The following MAB21L3 variants were observed in gnomAD, a reference collection of about 807,000 sequenced individuals.
The protein encoded by MAB21L3 is mab-21 like 3, also known as protein mab-21-like 3.
MAB21L3 carries 36 observed loss-of-function variants against 37.7 expected under a neutral mutation model. The observed-to-expected ratio is 0.96, with a 90% CI of 0.73 to 1.26. The LOEUF (loss-of-function observed/expected upper bound fraction) is 1.26, where lower values mean the gene tolerates loss of function less well. MAB21L3 is among the 50% of genes most tolerant of loss of function. MAB21L3 has a pLI of 0.00. For missense variants in MAB21L3, 430 were observed against 447.3 expected, an observed-to-expected ratio of 0.96 and a Z score of 0.35; for synonymous variants, 186 against 176.8, an observed-to-expected ratio of 1.05 and a Z score of -0.41.
chr1:116,114,883 T>C (rs563400486), intron 3 of MAB21L3, among the ~76,000 whole-genome samples: 1 of 152,270 alleles, frequency 6.6e-6, no homozygotes, highest in South Asian at 2.1e-4. Context: ...AGACAAAGCC[T>C]TGGAGGAAGT....
intron 7 of MAB21L3, among the ~76,000 whole-genome samples, chr1:116,132,859 CCGT>C (rs1345286530): frequency 6.6e-6 from 1 of 151,976 alleles, no homozygotes; most frequent in African/African-American, 2.4e-5. Flanking sequence ...TCCATTTTCC[CCGT>C]AAAGTAGGAG....
rs568797303 is a variant in MAB21L3 at position 116,133,223 on chromosome 1, A to G, written c.947A>G (p.His316Arg). The G allele has an allele frequency of 5.6e-6, 9 of 1,614,224 alleles. No individual in the cohort carries two copies. The African/African-American group carries it at 1.1e-4, about 19-fold the overall frequency. ...TTTCTGCGCCTGGTGAGGAAACTGC[A>G]CAAGTGCGTGAGCCAGCACTTCCTG... ...KAFLRLVRKL[H>R]KCVSQHFLKH... Residue 316 changes from histidine to arginine, a missense_variant, in exon 8 of 8, where the codon CAC becomes CGC. Physicochemically the swap from His to Arg is conservative, Grantham distance 29. Coordinates refer to ENST00000369500, the MANE Select transcript of MAB21L3 (RefSeq NM_152367.3).
At position 116,111,723 on chromosome 1, in the gene MAB21L3, C is replaced by T. The variant is rs977542766; in HGVS notation, c.-297C>T. 1 of 151,976 alleles carries T rather than the reference C, an allele frequency of 6.6e-6. No homozygotes were observed. Among genetic ancestry groups the T allele is most frequent in the Non-Finnish European group, 1.5e-5 (1 of 68,010 alleles). 9.4% of individuals were successfully genotyped at this position (151,976 alleles called of 1,614,324 possible). ...GCAAAACCAGACGTGAGTGTTCCCT[C>T]GACTCTAAAGGGACCTGTTTACACT... On this transcript the variant is annotated 5_prime_UTR_variant, in exon 2 of 8. Transcript: ENST00000369500.
intron 3 of MAB21L3, among the ~76,000 whole-genome samples, chr1:116,117,955 G>A (rs554718063): frequency 1.3e-5 from 2 of 151,958 alleles, no homozygotes; most frequent in South Asian, 2.1e-4. Flanking sequence ...TTACAAACTG[G>A]TTTTGCTCTC....
chr1:116,131,281 A>G (rs934603909), intron 7 of MAB21L3, among the ~76,000 whole-genome samples: 15 of 152,362 alleles, frequency 9.8e-5, no homozygotes, highest in East Asian at 3.9e-4. Flanking sequence ...GATCTGATGG[A>G]CAAAGAAGGG....
chr1:116,125,859 GGGCAGGGTGTGGGCC>G (rs572437828), intron 5 of MAB21L3, among the ~76,000 whole-genome samples: 2 of 148,000 alleles, frequency 1.4e-5, no homozygotes, highest in African/African-American at 5.3e-5. Context: ...GCCAGCTGCA[GGGCAGGGTGTGGGCC>G]GGCAGGGTGT....
At chr1:116,117,937 G>A (rs1659639023) in intron 3 of MAB21L3, among the ~76,000 whole-genome samples, 1 of 152,004 alleles carries the variant, frequency 6.6e-6, no homozygotes, top group Non-Finnish European at 1.5e-5. Flanking sequence ...CTTTTGGGTG[G>A]GAAATCCTTA....
At chr1:116,120,791 C>A in intron 3 of MAB21L3, 141 bp from the exon 4 acceptor site, 2 of 997,876 alleles carry the variant, frequency 2.0e-6, no homozygotes, top group East Asian at 2.6e-5. Flanking sequence ...TTCATCTCCC[C>A]GGCATCTTGG....
At chr1:116,125,783 G>A (rs546370404) in intron 5 of MAB21L3, among the ~76,000 whole-genome samples, 301 of 149,754 alleles carry the variant, frequency 2.0e-3, no homozygotes, top group African/African-American at 7.2e-3. Context: ...ACCTGTTTTA[G>A]AGATGAGGAA....
At chr1:116,131,323 A>G (rs913099603) in intron 7 of MAB21L3, among the ~76,000 whole-genome samples, 8 of 152,182 alleles carry the variant, frequency 5.3e-5, no homozygotes, top group African/African-American at 1.9e-4. Flanking sequence ...CCGAAGCAGG[A>G]TGTGCAAAGG....
intron 3 of MAB21L3, among the ~76,000 whole-genome samples, chr1:116,117,126 C>A (rs1659607732): frequency 7.0e-6 from 1 of 142,106 alleles, no homozygotes; most frequent in South Asian, 2.2e-4. Context: ...ATGAATTTTT[C>A]ATTAGTTTAT....
intron 5 of MAB21L3, 60 bp downstream of exon 5, chr1:116,124,417 A>C: frequency 2.0e-6 from 3 of 1,510,322 alleles, no homozygotes; most frequent in Non-Finnish European, 2.7e-6. Flanking sequence ...CACTCTATAA[A>C]ACCTCTGTTT....
chr1:116,128,100 G>C, intron 6 of MAB21L3, 45 bp from the exon 7 acceptor site: 1 of 1,568,710 alleles, frequency 6.4e-7, no homozygotes, highest in Non-Finnish European at 8.7e-7. Flanking sequence ...CTACACCAGT[G>C]AGCATTGTTC....
intron 6 of MAB21L3, 78 bp downstream of exon 6, chr1:116,127,722 T>C: frequency 2.8e-6 from 4 of 1,423,346 alleles, no homozygotes; most frequent in East Asian, 2.5e-5. Flanking sequence ...TGACTGCCAA[T>C]GAGTTTCCGA....
Position 116,124,020 on chromosome 1 carries a change from C to T in MAB21L3, c.190-46C>T, listed in dbSNP as rs372644411. On this transcript the variant is annotated intron_variant, in intron 4 of 7. Coordinates refer to ENST00000369500, the MANE Select transcript of MAB21L3 (RefSeq NM_152367.3). ...GGTTCCCAGGACTTCCGTTACCTCCCGAATCTGTGAATTCATGCTTGTTTT... is the reference window on the plus strand; with the variant it reads ...GGTTCCCAGGACTTCCGTTACCTCCTGAATCTGTGAATTCATGCTTGTTTT... The T allele has an allele frequency of 1.4e-4, 222 of 1,547,412 alleles. 1 individual carries two copies. The highest frequency in any genetic ancestry group is 3.5e-4 in the Middle Eastern group (2 of 5,758).
At chr1:116,116,855 A>T (rs1257762690) in intron 3 of MAB21L3, among the ~76,000 whole-genome samples, 2 of 152,174 alleles carry the variant, frequency 1.3e-5, no homozygotes, top group Non-Finnish European at 2.9e-5. Flanking sequence ...TTTGGTAATC[A>T]AAACAGGTCA....
intron 5 of MAB21L3, among the ~76,000 whole-genome samples, chr1:116,124,870 TAC>T (rs148469511): frequency 0.24 from 33,073 of 140,192 alleles, 4,476 homozygotes; most frequent in East Asian, 0.44. Flanking sequence ...AGCATATGCA[TAC>T]ACACACACAC....
chr1:116,128,202 C>G lies in MAB21L3; in HGVS notation c.718C>G (p.Arg240Gly). Residue 240 changes from arginine (R) to glycine (G), a missense_variant, in exon 7 of 8, where the codon CGT (arginine) becomes GGT (glycine). Coordinates refer to ENST00000369500, the MANE Select transcript of MAB21L3 (RefSeq NM_152367.3). ...TTATCACTGGCAGCTGAGCTTCCTC[C>G]GTGCTGAGCAGGTGTTACTGGAACA... ...SNYHWQLSFL[R>G]AEQVLLEQLD... 3 of 1,614,076 alleles carry G rather than the reference C, an allele frequency of 1.9e-6. No individual in the cohort carries two copies. Among genetic ancestry groups the G allele is most frequent in the South Asian group, 2.2e-5 (2 of 91,044 alleles).
In MAB21L3 at chr1:116,128,348, G is replaced by A. The variant is rs1203943496; in HGVS notation, c.855+9G>A. The A allele has an allele frequency of 5.6e-6, 9 of 1,603,340 alleles. No homozygotes were observed. Among genetic ancestry groups the A allele is most frequent in the Non-Finnish European group, 7.7e-6 (9 of 1,176,104 alleles). On this transcript the variant is annotated intron_variant, in intron 7 of 7. Transcript: ENST00000369500. The stretch of plus-strand genomic sequence containing the variant: ...CGTCCCACCATCTGCAGGTGAGTGT[G>A]GGGCAGGTTGGAGAAGACCCAGGGG...
Sources: allele counts gnomAD v4.1 joint callset (sites outside exome capture counted in the v4.1 genomes callset), GRCh38; gene constraint gnomAD v4.1.1; transcripts MANE v1.5; gene names NCBI Gene and HGNC (gene_info 2026-07-23, HGNC 2026-07-21).